COPE: variants seen among roughly 807,000 people sequenced by gnomAD.
COPE encodes coat protein complex I subunit epsilon.
Under a neutral mutation model 42.1 loss-of-function variants are expected in COPE, and 19 were observed. The observed-to-expected ratio is 0.45, with a 90% confidence interval of 0.31 to 0.66. The LOEUF is 0.66. Ranked by LOEUF, COPE falls within the 30% of genes least tolerant of loss-of-function variation. The pLI, the probability that COPE is intolerant of heterozygous loss-of-function variation, is 0.05. For synonymous variants in COPE, 195 were observed against 181.3 expected (o/e 1.08, Z -0.60); for missense variants, 402 against 416.1 (o/e 0.97, Z 0.30).
chr19:18,902,809 G>GAAAGAAAGAAAGAAAGA (rs1244646448), intron 7 of COPE, among the ~76,000 whole-genome samples: 1 of 29,848 alleles, frequency 3.4e-5, no homozygotes, highest in Non-Finnish European at 6.4e-5. Context: ...AGGAAGGAAG[G>GAAAGAAAGAAAGAAAGA]AAGGAAGGAA....
intron 6 of COPE, among the ~76,000 whole-genome samples, chr19:18,903,991 G>T (rs1269426550): frequency 1.3e-5 from 2 of 152,194 alleles, no homozygotes; most frequent in Non-Finnish European, 2.9e-5. Flanking sequence ...CTTTCTCAGA[G>T]TTTCACTCTT....
At chr19:18,905,744 AC>A in intron 4 of COPE, 115 bp from the exon 5 acceptor site, 1 of 1,057,088 alleles carries the variant, frequency 9.5e-7, no homozygotes, top group Non-Finnish European at 1.4e-6. Context: ...TGTGCTTAGG[AC>A]CACCAGCCCC....
chr19:18,919,383 G>A lies in COPE; in HGVS notation c.-35C>T, dbSNP rs1568326422. ...TTCTCACCAGCTCCTCTTCCTGAAA[G>A]ACACGTCAGCCGGAAGCAAGACACG... On this transcript the variant is annotated 5_prime_UTR_variant, in exon 1 of 10. Coordinates refer to ENST00000262812, the MANE Select transcript of COPE (RefSeq NM_007263.4). 1.1e-5 allele frequency: 18 copies of A among 1,606,396 alleles called. No homozygotes were observed. Among genetic ancestry groups the A allele is most frequent in the Non-Finnish European group, 1.4e-5 (16 of 1,176,718 alleles).
intron 8 of COPE, 53 bp downstream of exon 8, chr19:18,900,328 G>A: frequency 7.0e-7 from 1 of 1,432,964 alleles, no homozygotes; most frequent in Non-Finnish European, 9.5e-7. Context: ...CCCCAGGCTG[G>A]GGTCCCAGGG....
chr19:18,907,501 G>A (rs1425852113), intron 3 of COPE, among the ~76,000 whole-genome samples: 10 of 152,282 alleles, frequency 6.6e-5, no homozygotes, highest in African/African-American at 2.4e-4. Flanking sequence ...CCTGGGTGCC[G>A]AGGGGCCGTG....
Position 18,913,062 on chromosome 19 carries a change from T to C in COPE, c.127-16A>G, listed in dbSNP as rs1270696078. On this transcript the variant is annotated splice_polypyrimidine_tract_variant and intron_variant, in intron 1 of 9. Coordinates refer to ENST00000262812, the MANE Select transcript of COPE (RefSeq NM_007263.4). The stretch of plus-strand genomic sequence containing the variant: ...GGCTTGATAGCTGTGGGAACCAATG[T>C]GAGTCAGGACGCACAGTGGGAGGCC... 3 of 1,608,068 alleles carry C rather than the reference T, an allele frequency of 1.9e-6. No homozygotes were observed. The Admixed American group carries it at 5.0e-5, about 27-fold the overall frequency.
At position 18,913,815 on chromosome 19, in the gene COPE, G is replaced by A. The variant is rs548645009; in HGVS notation, c.127-769C>T. Among the ~76,000 whole-genome samples, 9 of 152,330 alleles carry A rather than the reference G, an allele frequency of 5.9e-5. No individual in the cohort carries two copies. In the South Asian group the frequency reaches 6.2e-4, roughly 11 times the overall value. ...ACTCCAACAACCTCTAAACAGAGGG[G>A]ACTGAGAAGGCTGTCAGCAAGAGGG... On this transcript the variant is annotated intron_variant, in intron 1 of 9. Coordinates refer to ENST00000262812, the MANE Select transcript of COPE (RefSeq NM_007263.4).
intron 1 of COPE, among the ~76,000 whole-genome samples, chr19:18,918,191 AAAAAAAAAAAAAG>A (rs2056873768): frequency 6.8e-6 from 1 of 147,796 alleles, no homozygotes; most frequent in African/African-American, 2.5e-5. Flanking sequence ...CCATCTCAAA[AAAAAAAAAAAAAG>A]AAAAGAAAAG....
intron 4 of COPE, chr19:18,906,259 G>A (rs188656736): frequency 1.8e-5 from 5 of 277,864 alleles, no homozygotes; most frequent in South Asian, 1.7e-4. Flanking sequence ...GCACCATCAC[G>A]GCTCACTGCA....
At chr19:18,917,454 C>T (rs1332469060) in intron 1 of COPE, among the ~76,000 whole-genome samples, 2 of 151,840 alleles carry the variant, frequency 1.3e-5, no homozygotes, top group African/African-American at 2.4e-5. Flanking sequence ...CTGCAACCTC[C>T]ACCTCCTGGG....
chr19:18,899,715 A>G lies in COPE; in HGVS notation c.891T>C (p.Phe297=), dbSNP rs775154069. The change falls in exon 10 of 10, where the codon TTT becomes TTC. Residue 297 remains phenylalanine (F), a synonymous_variant. Transcript: ENST00000262812. ...IKEYQAKEND[F]DRLVLQYAPS... ...GAGCGTACTGTAGCACCAGCCTGTC[A>G]AAGTCGTTCTCCTTTAGCAAGACAC... 4 of 1,613,746 alleles carry G rather than the reference A, an allele frequency of 2.5e-6. No individual in the cohort carries two copies. The highest frequency in any genetic ancestry group is 4.5e-5 in the East Asian group (2 of 44,872).
intron 2 of COPE, among the ~76,000 whole-genome samples, chr19:18,911,851 CT>C (rs537294392): frequency 0.015 from 2,004 of 136,298 alleles, 37 homozygotes; most frequent in African/African-American, 0.047. Context: ...CACGCCCGGC[CT>C]TTTTTTTTTT....
At chr19:18,912,917 T>G in intron 2 of COPE, 67 bp downstream of exon 2, 1 of 1,531,978 alleles carries the variant, frequency 6.5e-7, no homozygotes, top group Non-Finnish European at 9.0e-7. Context: ...CTGTGGTGCC[T>G]TCCTGTCCCC....
At chr19:18,917,068 C>T (rs1027366311) in intron 1 of COPE, among the ~76,000 whole-genome samples, 1 of 151,792 alleles carries the variant, frequency 6.6e-6, no homozygotes, top group Non-Finnish European at 1.5e-5. Context: ...GGATACTTCC[C>T]TGCCTCTCCC....
intron 3 of COPE, among the ~76,000 whole-genome samples, chr19:18,908,403 G>A (rs1466212609): frequency 6.6e-6 from 1 of 151,888 alleles, no homozygotes; most frequent in Non-Finnish European, 1.5e-5. Context: ...CTCCAGCCTG[G>A]GTGACAGAGG....
At chr19:18,914,254 T>C (rs960174935) in intron 1 of COPE, among the ~76,000 whole-genome samples, 1 of 152,118 alleles carries the variant, frequency 6.6e-6, no homozygotes, top group African/African-American at 2.4e-5. Flanking sequence ...AGAAACATAT[T>C]ATAGGCCGGG....
Position 18,912,975 on chromosome 19 carries a change from C to G in COPE, c.189+9G>C. On this transcript the variant is annotated intron_variant, in intron 2 of 9. Transcript: ENST00000262812. ...ATCACTCTTGCCCCCGGCCAAGGCC[C>G]GCACTCACCTGCGCCAGGTACGCTC... The G allele has an allele frequency of 6.2e-6, 10 of 1,611,478 alleles. No individual in the cohort carries two copies. Among genetic ancestry groups the G allele is most frequent in the Non-Finnish European group, 8.5e-6 (10 of 1,179,780 alleles).
Position 18,913,562 on chromosome 19 carries a change from G to C in COPE, c.127-516C>G, listed in dbSNP as rs562175388. Among the ~76,000 whole-genome samples the C allele has an allele frequency of 2.6e-5, 4 of 152,152 alleles. No individual in the cohort carries two copies. The East Asian group carries it at 7.7e-4, about 29-fold the overall frequency. Reference sequence around the variant, plus strand: ...GTAACCTGTGGCAACATCCATTTTGGGATGATAATGAAGCTGCCCCTGAGC... The same window carrying C: ...GTAACCTGTGGCAACATCCATTTTGCGATGATAATGAAGCTGCCCCTGAGC... On this transcript the variant is annotated intron_variant, in intron 1 of 9. Transcript: ENST00000262812.
intron 9 of COPE, 42 bp from the exon 10 acceptor site, chr19:18,899,768 T>C (rs2146094275): frequency 6.2e-7 from 1 of 1,612,190 alleles, no homozygotes; most frequent in Non-Finnish European, 8.5e-7. Flanking sequence ...GGGCAGGGTG[T>C]GGGGAGACAG....
Sources: allele counts gnomAD v4.1 joint callset (sites outside exome capture counted in the v4.1 genomes callset), GRCh38; gene constraint gnomAD v4.1.1; transcripts MANE v1.5; gene names NCBI Gene and HGNC (gene_info 2026-07-23, HGNC 2026-07-21).